The following RPS6KA2 variants were observed in gnomAD, a reference collection of about 807,000 sequenced individuals.
The protein encoded by RPS6KA2 is ribosomal protein S6 kinase alpha-2.
A neutral mutation model predicts 91.8 loss-of-function variants in RPS6KA2; 42 were observed. The ratio of observed to expected loss-of-function variants is 0.46; its 90% CI spans 0.36 to 0.59. The LOEUF (loss-of-function observed/expected upper bound fraction) is 0.59. Among genes scored for constraint, RPS6KA2 ranks in the 20% least tolerant of loss-of-function variants. The pLI is 0.00. For synonymous variants in RPS6KA2, 414 were observed against 393.6 expected (o/e 1.05, Z -0.61); for missense variants, 798 against 978.5 (o/e 0.82, Z 2.46).
In RPS6KA2 at chr6:166,578,228, T is replaced by C. The variant is rs1784898551; in HGVS notation, c.100-39444A>G. On this transcript the variant is annotated intron_variant, in intron 1 of 20. Transcript: ENST00000265678. ...CTCAAGATGCTGGGCAACGTGTTCCTTCCCTCAGAAGCCACGTGCCGTAGA... is the reference window on the plus strand; with the variant it reads ...CTCAAGATGCTGGGCAACGTGTTCCCTCCCTCAGAAGCCACGTGCCGTAGA... Among the ~76,000 whole-genome samples, 3 of 152,220 alleles carry C rather than the reference T, an allele frequency of 2.0e-5. 1 individual carries two copies. The highest frequency in any genetic ancestry group is 2.0e-4 in the Admixed American group (3 of 15,284).
intron 12 of RPS6KA2, among the ~76,000 whole-genome samples, chr6:166,453,179 C>A (rs999833720): frequency 2.1e-5 from 3 of 145,814 alleles, no homozygotes; most frequent in Non-Finnish European, 4.5e-5. Context: ...CCAGCCTGGG[C>A]GACAGAGTGA....
intron 10 of RPS6KA2, chr6:166,475,979 CT>C (rs1294743528): frequency 8.0e-5 from 30 of 376,408 alleles, no homozygotes; most frequent in South Asian, 5.6e-4. Context: ...AATTTGTATG[CT>C]GAAGCCCTAA....
At chr6:166,439,021 G>C (rs756442633) in intron 14 of RPS6KA2, among the ~76,000 whole-genome samples, 2 of 152,204 alleles carry the variant, frequency 1.3e-5, no homozygotes, top group Non-Finnish European at 2.9e-5. Flanking sequence ...CTCTGTTGAA[G>C]AATTATATTA....
chr6:166,653,347 C>T (rs914472145), intron 2 of RPS6KA2, among the ~76,000 whole-genome samples: 4 of 152,248 alleles, frequency 2.6e-5, no homozygotes, highest in Non-Finnish European at 4.4e-5. Flanking sequence ...AGGCGTGAGC[C>T]GCCCTGCCTG....
intron 2 of RPS6KA2, among the ~76,000 whole-genome samples, chr6:166,703,616 C>CT (rs1029549893): frequency 6.6e-6 from 1 of 152,168 alleles, no homozygotes; most frequent in Admixed American, 6.5e-5. Context: ...TTAAAAAGAT[C>CT]TTTTTTTCTT....
chr6:166,467,418 G>C (rs2281047), intron 11 of RPS6KA2, among the ~76,000 whole-genome samples: 77,720 of 152,122 alleles, frequency 0.51, 20,386 homozygotes, highest in African/African-American at 0.62. Context: ...ATTTTGAGGC[G>C]AGTCAGAAAG....
intron 2 of RPS6KA2, among the ~76,000 whole-genome samples, chr6:166,668,844 T>A (rs1160733932): frequency 1.9e-5 from 2 of 103,816 alleles, no homozygotes; most frequent in East Asian, 6.2e-4. Context: ...CCCTCCTCCA[T>A]CCCTCCCTCC....
chr6:166,496,303 T>C (rs1364706888), intron 8 of RPS6KA2, among the ~76,000 whole-genome samples: 5 of 151,198 alleles, frequency 3.3e-5, no homozygotes, highest in African/African-American at 9.8e-5. Context: ...TGAGCTGAGA[T>C]TGCAACACTG....
At position 166,830,045 on chromosome 6, in the gene RPS6KA2, G is replaced by C. The variant is rs1780142540; in HGVS notation, c.123+28155C>G. Among the ~76,000 whole-genome samples the C allele has an allele frequency of 3.3e-5, 5 of 150,302 alleles. No individual in the cohort carries two copies. In the Admixed American group the frequency reaches 3.3e-4, roughly 10 times the overall value. ...AGAGGTCAAGGGAGGAGAATCGCTTGAACCTGGGAGGCGGAGATTGCATGA... is the reference window on the plus strand; with the variant it reads ...AGAGGTCAAGGGAGGAGAATCGCTTCAACCTGGGAGGCGGAGATTGCATGA... On this transcript the variant is annotated intron_variant, in intron 2 of 21. Transcript: ENST00000503859.
Position 166,423,439 on chromosome 6 carries a change from G to A in RPS6KA2, c.1582-22C>T. On this transcript the variant is annotated intron_variant, in intron 16 of 20. Transcript: ENST00000265678. The surrounding 1 kb of genome is among the most constrained non-coding windows in gnomAD (Gnocchi z 4.8). ...CAACCTGCAAGACAGAAGGCACAGT[G>A]CCTACTTGGGGGCTGAGGACTGAGC... is the stretch of plus-strand genomic sequence containing the variant. 2.5e-6 allele frequency: 4 copies of A among 1,595,528 alleles called. No individual in the cohort carries two copies. The highest frequency in any genetic ancestry group is 1.1e-5 in the South Asian group (1 of 90,184).
At chr6:166,789,807 C>T (rs1356831529) in intron 2 of RPS6KA2, among the ~76,000 whole-genome samples, 1 of 152,252 alleles carries the variant, frequency 6.6e-6, no homozygotes, top group Non-Finnish European at 1.5e-5. Flanking sequence ...AGGGTCCTGT[C>T]TGTTAGAAGG....
intron 2 of RPS6KA2, among the ~76,000 whole-genome samples, chr6:166,807,886 T>C (rs1779532065): frequency 6.6e-6 from 1 of 152,144 alleles, no homozygotes; most frequent in Non-Finnish European, 1.5e-5. Flanking sequence ...GCCGCACTGA[T>C]TTCTGCCATG....
Position 166,423,019 on chromosome 6 carries a change from T to TA in RPS6KA2, c.1743+236dup, listed in dbSNP as rs1778778960. On this transcript the variant is annotated intron_variant, in intron 17 of 20. Transcript: ENST00000265678. This position sits in a 1 kb window ranked among gnomAD's most constrained non-coding sequence, Gnocchi z 4.8. ...AGAAGACAATTTTACATAAAAATGT[T>TA]ACTGTTGAAAAGTTTTTTCAAATGG... 1.3e-5 allele frequency among the ~76,000 whole-genome samples: 2 copies of TA among 152,216 alleles called. No individual in the cohort carries two copies. The highest frequency in any genetic ancestry group is 3.8e-4 in the East Asian group (2 of 5,200).
intron 16 of RPS6KA2, among the ~76,000 whole-genome samples, chr6:166,429,671 A>C (rs1371390501): frequency 6.6e-6 from 1 of 151,956 alleles, no homozygotes; most frequent in East Asian, 1.9e-4. Context: ...GGCTGGTCTC[A>C]AATTCTTGAC....
chr6:166,461,075 C>T (rs893535162), intron 11 of RPS6KA2, among the ~76,000 whole-genome samples: 5 of 152,092 alleles, frequency 3.3e-5, no homozygotes, highest in Admixed American at 1.3e-4. Context: ...CAACAGACGC[C>T]CCCGAGCTCC....
chr6:166,842,277 G>T (rs1283892278), intron 2 of RPS6KA2, among the ~76,000 whole-genome samples: 1 of 152,208 alleles, frequency 6.6e-6, no homozygotes, highest in Non-Finnish European at 1.5e-5. Flanking sequence ...TTTGGAAATA[G>T]GGTCATTGCA....
intron 1 of RPS6KA2, among the ~76,000 whole-genome samples, chr6:166,579,542 G>T (rs1042491480): frequency 2.5e-4 from 38 of 152,156 alleles, no homozygotes; most frequent in Non-Finnish European, 5.0e-4. Context: ...GGAGAAAAAT[G>T]TTAAATAAAA....
Position 166,451,310 on chromosome 6 carries a change from A to G in RPS6KA2, c.1076-77T>C. ...GGGTGAAGTGATAGTGTGTGTGTGC[A>G]TGTGGTATGTGTGTGCAAGTCCGTG... On this transcript the variant is annotated intron_variant, in intron 12 of 20. Coordinates refer to ENST00000265678, the MANE Select transcript of RPS6KA2 (RefSeq NM_021135.6). The G allele has an allele frequency of 2.7e-6, 4 of 1,484,890 alleles. No homozygotes were observed. The South Asian group carries it at 4.6e-5, about 17-fold the overall frequency. 92.0% of individuals were successfully genotyped at this position (1,484,890 alleles called of 1,614,324 possible). A position where few individuals can be genotyped will look rare whatever the true frequency, so the allele number is the denominator to read the frequency against.
rs375049651 is a variant in RPS6KA2, at chr6:166,658,409, G to A, written c.124-119625C>T. Among the ~76,000 whole-genome samples the A allele has an allele frequency of 2.5e-4, 38 of 152,322 alleles. No individual in the cohort carries two copies. In the East Asian group the frequency reaches 6.0e-3, roughly 24 times the overall value. Reference sequence around the variant, plus strand: ...GGATCTCACAGCTGCGGAGCTGGTCGCCGTGTCACTCAGCTGTCAGCTGCT... The same window carrying A: ...GGATCTCACAGCTGCGGAGCTGGTCACCGTGTCACTCAGCTGTCAGCTGCT... On this transcript the variant is annotated intron_variant, in intron 2 of 21. Transcript: ENST00000503859.
Sources: gnomAD v4.1 joint callset for allele counts (sites outside exome capture counted in the v4.1 genomes callset) on GRCh38, gnomAD v4.1.1 for gene constraint, Gnocchi (gnomAD v3.1) non-coding constraint, MANE v1.5 for transcripts, NCBI Gene and HGNC (gene_info 2026-07-23, HGNC 2026-07-21) for gene names.